FNDC1: variants seen among roughly 807,000 people sequenced by gnomAD.
The protein encoded by FNDC1 is fibronectin type III domain-containing protein 1.
In FNDC1, 96 loss-of-function variants were observed where a neutral mutation model predicts 168.0. The observed-to-expected ratio is 0.57, with a 90% CI of 0.48 to 0.68. The LOEUF is 0.68. Among genes scored for constraint, FNDC1 ranks in the 30% least tolerant of loss-of-function variants. FNDC1 has a pLI of 0.00. For missense variants in FNDC1, 2,587 were observed against 2,482.1 expected (o/e 1.04, Z -0.90); for synonymous variants, 1,099 against 1,025.9 (o/e 1.07, Z -1.36).
chr6:159,249,469 A>G (rs1169975203), intron 16 of FNDC1, among the ~76,000 whole-genome samples: 2 of 152,252 alleles, frequency 1.3e-5, no homozygotes, highest in East Asian at 1.9e-4. Flanking sequence ...CATCTGGACC[A>G]GGGAACATGA....
At chr6:159,217,225 G>C (rs925077778) in intron 5 of FNDC1, among the ~76,000 whole-genome samples, 1 of 152,234 alleles carries the variant, frequency 6.6e-6, no homozygotes, top group African/African-American at 2.4e-5. Context: ...CCTAGGAGGA[G>C]AGATGCCGGC....
chr6:159,179,061 T>TGGCCTCC (rs1781828269), intron 1 of FNDC1, among the ~76,000 whole-genome samples: 1 of 152,250 alleles, frequency 6.6e-6, no homozygotes, highest in Non-Finnish European at 1.5e-5. Context: ...CCATCTGCTT[T>TGGCCTCC]GGCCTCCGGC....
intron 1 of FNDC1, among the ~76,000 whole-genome samples, chr6:159,178,226 G>A (rs1190735598): frequency 1.3e-5 from 2 of 152,128 alleles, no homozygotes; most frequent in Admixed American, 1.3e-4. Flanking sequence ...GATCCTTGTA[G>A]CCAAGGATAA....
Position 159,266,118 on chromosome 6 carries a change from A to G in FNDC1, c.5319A>G (p.Lys1773=). Residue 1773 remains lysine, a synonymous_variant, in exon 21 of 23, where the codon AAA becomes AAG. Transcript: ENST00000297267. ...GEPIWIPFAF[K]HDPSYTDCHG... ...CTATCTGGATCCCATTCGCTTTCAA[A>G]CATGATCCCAGCTACACGGACTGCC... The G allele has an allele frequency of 6.2e-7, 1 of 1,613,886 alleles. No individual in the cohort carries two copies.
chr6:159,251,834 A>G (rs553979117), intron 17 of FNDC1, among the ~76,000 whole-genome samples: 78 of 152,286 alleles, frequency 5.1e-4, no homozygotes, highest in Non-Finnish European at 1.0e-3. Flanking sequence ...ATTTCCCCAT[A>G]TGCAAAACAT....
At chr6:159,268,049 T>A in intron 22 of FNDC1, 123 bp downstream of exon 22, 2 of 986,734 alleles carry the variant, frequency 2.0e-6, no homozygotes, top group African/African-American at 1.7e-5. Context: ...TGGGAGCACT[T>A]AAGGTCATAA....
intron 1 of FNDC1, among the ~76,000 whole-genome samples, chr6:159,190,840 C>A (rs575613371): frequency 6.6e-6 from 1 of 152,342 alleles, no homozygotes; most frequent in South Asian, 2.1e-4. Context: ...GATCAGCACA[C>A]TAGAAATATA....
intron 7 of FNDC1, among the ~76,000 whole-genome samples, chr6:159,225,178 G>GACACACACACACAC (rs755587981): frequency 1.4e-5 from 2 of 146,416 alleles, no homozygotes; most frequent in East Asian, 4.6e-4. Context: ...CACAAATACA[G>GACACACACACACAC]ACACACACAC....
At chr6:159,242,175 C>A (rs1225886886) in intron 14 of FNDC1, among the ~76,000 whole-genome samples, 2 of 152,186 alleles carry the variant, frequency 1.3e-5, no homozygotes, top group African/African-American at 4.8e-5. Context: ...AGATTATGTG[C>A]TTTGCAGGGA....
At chr6:159,247,675 A>G (rs1777166007) in intron 15 of FNDC1, among the ~76,000 whole-genome samples, 1 of 152,114 alleles carries the variant, frequency 6.6e-6, no homozygotes, top group Admixed American at 6.5e-5. Context: ...TTTTCAGCCC[A>G]GGAGTTCGAG....
At chr6:159,241,504 C>T (rs993841343) in intron 14 of FNDC1, among the ~76,000 whole-genome samples, 2 of 152,170 alleles carry the variant, frequency 1.3e-5, no homozygotes, top group African/African-American at 4.8e-5. Flanking sequence ...TCTCCTGATT[C>T]CCTAGTCGAA....
chr6:159,269,998 T>C (rs1306958410), intron 22 of FNDC1, among the ~76,000 whole-genome samples: 2 of 152,166 alleles, frequency 1.3e-5, no homozygotes, highest in South Asian at 2.1e-4. Context: ...GAGACCAGCC[T>C]AGGCAACATA....
chr6:159,185,070 G>GT (rs1346474968), intron 1 of FNDC1, among the ~76,000 whole-genome samples: 33 of 112,466 alleles, frequency 2.9e-4, no homozygotes, highest in South Asian at 1.1e-3. Context: ...TGGAGGGTGG[G>GT]GGGGGGGGAA....
At position 159,269,300 on chromosome 6, in the gene FNDC1, C is replaced by T. The variant is rs1471635134; in HGVS notation, c.5569+1374C>T. On this transcript the variant is annotated intron_variant, in intron 22 of 22. Coordinates refer to ENST00000297267, the MANE Select transcript of FNDC1 (RefSeq NM_032532.3). ...TCTATCTATCTATCTATCCATCCAT[C>T]CATCTATCCTATCTATTTATCTAAC... Among the ~76,000 whole-genome samples, 86 of 122,132 alleles carry T rather than the reference C, an allele frequency of 7.0e-4. 3 individuals carry two copies. The highest frequency in any genetic ancestry group is 1.0e-3 in the Non-Finnish European group (57 of 55,472). The allele number at this position is 122,132 out of a possible 152,430, so 80.1% of individuals were successfully genotyped here.
chr6:159,211,988 C>T (rs537085186), intron 4 of FNDC1, among the ~76,000 whole-genome samples: 12 of 152,342 alleles, frequency 7.9e-5, no homozygotes, highest in Admixed American at 3.3e-4. Context: ...GATTTTGATT[C>T]TATACAACTT....
At chr6:159,255,268 G>A (rs1421609340) in intron 17 of FNDC1, among the ~76,000 whole-genome samples, 2 of 152,036 alleles carry the variant, frequency 1.3e-5, no homozygotes, top group Admixed American at 6.6e-5. Flanking sequence ...GCCTTCTCCC[G>A]GGTCCTCCCT....
In FNDC1 at chr6:159,234,189, C is replaced by A; in HGVS notation, c.3677C>A (p.Pro1226His). ...DGSLAKEERE[P>H]AIALAPRGGS... ...AGCCTCGCCAAGGAAGAGAGGGAGCCTGCCATCGCGCTTGCCCCTCGCGGA... is the reference window on the plus strand; with the variant it reads ...AGCCTCGCCAAGGAAGAGAGGGAGCATGCCATCGCGCTTGCCCCTCGCGGA... The change falls in exon 11 of 23, where the codon CCT (proline) becomes CAT (histidine). Residue 1226 changes from proline (P) to histidine (H), a missense_variant. Pro to His is a moderately conservative substitution (Grantham distance 77). Coordinates refer to ENST00000297267, the MANE Select transcript of FNDC1 (RefSeq NM_032532.3). 1 of 1,599,390 alleles carries A rather than the reference C, an allele frequency of 6.3e-7. No homozygotes were observed. The highest frequency in any genetic ancestry group is 8.5e-7 in the Non-Finnish European group (1 of 1,173,040).
chr6:159,230,402 G>A (rs958665506), intron 10 of FNDC1, among the ~76,000 whole-genome samples: 3 of 152,120 alleles, frequency 2.0e-5, no homozygotes, highest in African/African-American at 4.8e-5. Flanking sequence ...GACAGGAGAC[G>A]GGTGAGGGTT....
At position 159,208,844 on chromosome 6, in the gene FNDC1, A is replaced by ATTTTTT. The variant is rs369408600; in HGVS notation, c.461-6086_461-6081dup. ...GCCAGGCATTCAAATGTTATTTTTAATTTTTTTTTTTTTTTTTTTTGAGAC... is the reference window on the plus strand; with the variant it reads ...GCCAGGCATTCAAATGTTATTTTTAATTTTTTTTTTTTTTTTTTTTTTTTTTGAGAC... On this transcript the variant is annotated intron_variant, in intron 4 of 22. Coordinates refer to ENST00000297267, the MANE Select transcript of FNDC1 (RefSeq NM_032532.3). Among the ~76,000 whole-genome samples, 458 of 128,020 alleles carry ATTTTTT rather than the reference A, an allele frequency of 3.6e-3. 14 individuals carry two copies. The highest frequency in any genetic ancestry group is 0.011 in the African/African-American group (353 of 32,620). The allele number at this position is 128,020 out of a possible 152,430, so 84.0% of individuals were successfully genotyped here.
Sources: allele counts gnomAD v4.1 joint callset (sites outside exome capture counted in the v4.1 genomes callset), GRCh38; gene constraint gnomAD v4.1.1; transcripts MANE v1.5; gene names NCBI Gene and HGNC (gene_info 2026-07-23, HGNC 2026-07-21).